The following LPIN2 variants were observed in gnomAD, a reference collection of about 807,000 sequenced individuals.
LPIN2 encodes the protein lipin 2, also known as phosphatidate phosphatase LPIN2.
A neutral mutation model predicts 111.4 loss-of-function variants in LPIN2; 55 were observed. The observed-to-expected ratio is 0.49, with a 90% CI of 0.40 to 0.62. LPIN2 has a LOEUF of 0.62. Ranked by LOEUF, LPIN2 falls within the 20% of genes least tolerant of loss-of-function variation. The probability of loss-of-function intolerance (pLI) is 0.00; values close to 1 mark genes in which losing one functional copy is unlikely to be tolerated. For missense variants in LPIN2, 992 were observed against 1,112.1 expected (o/e 0.89, Z 1.54); for synonymous variants, 425 against 414.0 (o/e 1.03, Z -0.32).
At chr18:2,958,173 A>AAAC (rs2077650874) in intron 2 of LPIN2, among the ~76,000 whole-genome samples, 1 of 126,254 alleles carries the variant, frequency 7.9e-6, no homozygotes, top group African/African-American at 2.9e-5. Flanking sequence ...AAAAAAAAAA[A>AAAC]CAGAAAAAAG....
intron 1 of LPIN2, among the ~76,000 whole-genome samples, chr18:3,005,526 A>T (rs2078500493): frequency 6.6e-6 from 1 of 151,948 alleles, no homozygotes; most frequent in South Asian, 2.1e-4. Context: ...TTAAAACCAA[A>T]ATTAACCGGG....
At chr18:2,977,712 G>A (rs574444833) in intron 1 of LPIN2, among the ~76,000 whole-genome samples, 1 of 152,268 alleles carries the variant, frequency 6.6e-6, no homozygotes, top group South Asian at 2.1e-4. Context: ...ACAATTAGCT[G>A]AATAAAATAT....
intron 18 of LPIN2, 26 bp from the exon 19 acceptor site, chr18:2,920,907 G>T: frequency 6.7e-7 from 1 of 1,491,128 alleles, no homozygotes; most frequent in Non-Finnish European, 9.4e-7. Context: ...GCAAGCGGGT[G>T]ATTCCAGGGA....
chr18:2,937,598 C>T (rs1015778254), intron 7 of LPIN2, 94 bp downstream of exon 7: 6 of 590,110 alleles, frequency 1.0e-5, no homozygotes, highest in Non-Finnish European at 1.7e-5. Flanking sequence ...CTGGTGAATA[C>T]AAATACAGAG....
intron 16 of LPIN2, 152 bp from the exon 17 acceptor site, chr18:2,922,351 T>C: frequency 2.4e-6 from 2 of 825,158 alleles, no homozygotes; most frequent in South Asian, 3.3e-5. Context: ...CTCGGCTCAC[T>C]GCAACCTCCA....
chr18:3,005,625 T>A (rs2078502135), intron 1 of LPIN2, among the ~76,000 whole-genome samples: 1 of 151,650 alleles, frequency 6.6e-6, no homozygotes, highest in African/African-American at 2.4e-5. Flanking sequence ...TGCAGTGAGC[T>A]GAAATCGTGC....
intron 11 of LPIN2, 144 bp downstream of exon 11, chr18:2,928,447 A>G: frequency 1.2e-6 from 1 of 818,652 alleles, no homozygotes; most frequent in Non-Finnish European, 2.0e-6. Context: ...GTGGGTACAT[A>G]TGACTTTGAT....
intron 1 of LPIN2, among the ~76,000 whole-genome samples, chr18:2,970,782 T>A (rs1023478523): frequency 1.3e-5 from 2 of 152,246 alleles, no homozygotes; most frequent in African/African-American, 4.8e-5. Flanking sequence ...AATATGAAGC[T>A]GGCCTTAAGC....
chr18:2,927,606 T>C, intron 12 of LPIN2, 116 bp downstream of exon 12: 2 of 1,059,708 alleles, frequency 1.9e-6, no homozygotes, highest in Non-Finnish European at 2.9e-6. Flanking sequence ...GAAACTGCTA[T>C]ATGGTAAAAT....
At chr18:2,921,794 T>C in intron 17 of LPIN2, 147 bp from the exon 18 acceptor site, 1 of 774,484 alleles carries the variant, frequency 1.3e-6, no homozygotes, top group Non-Finnish European at 2.1e-6. Context: ...GCCAGTCTGA[T>C]AACTAAGAAA....
intron 2 of LPIN2, among the ~76,000 whole-genome samples, chr18:2,959,181 T>C (rs982564886): frequency 6.6e-6 from 1 of 152,222 alleles, no homozygotes; most frequent in Non-Finnish European, 1.5e-5. Flanking sequence ...AGGGTGACTC[T>C]GAACAGAGGC....
Position 2,940,585 on chromosome 18 carries a change from G to A in LPIN2, c.698+20C>T, listed in dbSNP as rs2077354954. 6.7e-7 allele frequency: 1 copy of A among 1,494,740 alleles called. No homozygotes were observed. The highest frequency in any genetic ancestry group is 9.3e-7 in the Non-Finnish European group (1 of 1,073,076). 92.6% of individuals were successfully genotyped at this position (1,494,740 alleles called of 1,614,324 possible). ...TCTCCTTCCTCTTTCAAGAAACCAA[G>A]AAATTTCAAAGATACTTACGTCTCT... On this transcript the variant is annotated intron_variant, in intron 5 of 19. Coordinates refer to ENST00000677752, the MANE Select transcript of LPIN2 (RefSeq NM_001375808.2).
chr18:2,934,532 G>A (rs1293207612), intron 7 of LPIN2, 82 bp from the exon 8 acceptor site: 3 of 876,394 alleles, frequency 3.4e-6, no homozygotes, highest in South Asian at 2.7e-5. Flanking sequence ...TTTGCAAACA[G>A]TAAGAGTGAC....
At chr18:3,012,842 C>T (rs554357385) in intron 1 of LPIN2, among the ~76,000 whole-genome samples, 2 of 151,956 alleles carry the variant, frequency 1.3e-5, no homozygotes, top group African/African-American at 4.8e-5. Flanking sequence ...CCGGTCCGTC[C>T]TGCGGCGGCG....
At chr18:2,922,622 T>C (rs765941263) in intron 16 of LPIN2, among the ~76,000 whole-genome samples, 30 of 152,204 alleles carry the variant, frequency 2.0e-4, no homozygotes, top group Non-Finnish European at 4.1e-4. Context: ...TCTCATTTAC[T>C]GTGAAAACCA....
intron 2 of LPIN2, among the ~76,000 whole-genome samples, chr18:2,958,241 TAA>T (rs2077654477): frequency 6.6e-6 from 1 of 151,316 alleles, no homozygotes; most frequent in African/African-American, 2.4e-5. Flanking sequence ...CAATAAATTT[TAA>T]AATATCAAGT....
chr18:2,921,445 T>TC (rs1190378749), intron 18 of LPIN2, 88 bp downstream of exon 18: 1 of 986,128 alleles, frequency 1.0e-6, no homozygotes, highest in Non-Finnish European at 1.6e-6. Flanking sequence ...ACAAAACTGC[T>TC]TTGAGAATTG....
intron 1 of LPIN2, among the ~76,000 whole-genome samples, chr18:2,997,023 C>T (rs1383297234): frequency 6.6e-6 from 1 of 151,930 alleles, no homozygotes; most frequent in Non-Finnish European, 1.5e-5. Flanking sequence ...ACTCCCTCAC[C>T]CAGGCTGGAG....
At chr18:2,998,279 G>GT (rs1422354338) in intron 1 of LPIN2, among the ~76,000 whole-genome samples, 1 of 152,220 alleles carries the variant, frequency 6.6e-6, no homozygotes, top group East Asian at 1.9e-4. Flanking sequence ...CAAATGCCAA[G>GT]TAAGGCTGCA....
Sources: allele counts gnomAD v4.1 joint callset (sites outside exome capture counted in the v4.1 genomes callset), GRCh38; gene constraint gnomAD v4.1.1; transcripts MANE v1.5; gene names NCBI Gene and HGNC (gene_info 2026-07-23, HGNC 2026-07-21).